Variants in CDH13 observed in about 807,000 individuals in gnomAD.
The protein encoded by CDH13 is cadherin 13.
In CDH13, 24 loss-of-function variants were observed where a neutral mutation model predicts 63.8. That is an observed-to-expected ratio of 0.38 (90% CI 0.27 to 0.53). CDH13 has a LOEUF of 0.53. CDH13 is among the 20% of genes least tolerant of loss of function. The pLI is 0.85. For synonymous variants in CDH13, 503 were observed against 355.3 expected (o/e 1.42, Z -4.67); for missense variants, 1,049 against 903.1 (o/e 1.16, Z -2.07).
intron 1 of CDH13, among the ~76,000 whole-genome samples, chr16:82,794,834 C>T (rs2036503885): frequency 6.6e-6 from 1 of 152,196 alleles, no homozygotes; most frequent in Admixed American, 6.5e-5. Flanking sequence ...GCTGATTCTT[C>T]TGCCTGAATT....
intron 10 of CDH13, among the ~76,000 whole-genome samples, chr16:83,722,417 G>A (rs1194500284): frequency 6.6e-6 from 1 of 152,224 alleles, no homozygotes; most frequent in Non-Finnish European, 1.5e-5. Flanking sequence ...GCAGGGGCCA[G>A]TTGTTACCAT....
chr16:83,486,735 C>T, intron 7 of CDH13, 80 bp downstream of exon 7: 2 of 1,369,808 alleles, frequency 1.5e-6, no homozygotes, highest in East Asian at 2.3e-5. Context: ...GGGCTCCAGT[C>T]AGTGGTTTTT....
intron 7 of CDH13, among the ~76,000 whole-genome samples, chr16:83,535,505 G>A (rs2075165390): frequency 6.6e-6 from 1 of 152,184 alleles, no homozygotes. Flanking sequence ...GAGGACCAAA[G>A]GAAGAGGACA....
At chr16:83,143,052 C>T (rs564328968) in intron 4 of CDH13, among the ~76,000 whole-genome samples, 3 of 152,170 alleles carry the variant, frequency 2.0e-5, no homozygotes, top group Admixed American at 6.5e-5. Context: ...TGCCATAAGC[C>T]AAGATCGTGC....
intron 6 of CDH13, among the ~76,000 whole-genome samples, chr16:83,385,246 T>C (rs1297930990): frequency 1.3e-5 from 2 of 152,226 alleles, no homozygotes; most frequent in African/African-American, 4.8e-5. Context: ...ATAGTACCAG[T>C]TTTTGTAAGG....
intron 1 of CDH13, among the ~76,000 whole-genome samples, chr16:82,786,855 T>A (rs1226503224): frequency 1.3e-5 from 2 of 152,100 alleles, no homozygotes; most frequent in East Asian, 1.9e-4. Flanking sequence ...TATGGCTGCA[T>A]AGTATTCCAT....
intron 6 of CDH13, among the ~76,000 whole-genome samples, chr16:83,478,702 C>G (rs574903217): frequency 6.6e-6 from 1 of 152,254 alleles, no homozygotes; most frequent in East Asian, 1.9e-4. Flanking sequence ...GGAATCACCT[C>G]TTTTCTCTGC....
chr16:82,782,866 C>T (rs945135773), intron 1 of CDH13, among the ~76,000 whole-genome samples: 2 of 152,086 alleles, frequency 1.3e-5, no homozygotes, highest in African/African-American at 4.8e-5. Flanking sequence ...GGGGCCTGGG[C>T]GAGGTCTTTA....
chr16:83,520,579 C>G lies in CDH13; in HGVS notation c.960+33924C>G, dbSNP rs74333105. ...CTCGACGTCATTGCATGGATCCACT[C>G]TATGGTTGGCCTTAGAGCCAGGTTC... On this transcript the variant is annotated intron_variant, in intron 7 of 13. Coordinates refer to ENST00000567109, the MANE Select transcript of CDH13 (RefSeq NM_001257.5). 3.0e-3 allele frequency among the ~76,000 whole-genome samples: 463 copies of G among 152,272 alleles called. 1 individual carries two copies. Among genetic ancestry groups the G allele is most frequent in the African/African-American group, 0.011 (449 of 41,564 alleles).
rs1915405996 is a variant in CDH13, at chr16:83,779,959, T to C, written c.1682-9T>C. The C allele has an allele frequency of 6.2e-7, 1 of 1,600,362 alleles. No homozygotes were observed. The highest frequency in any genetic ancestry group is 2.2e-5 in the East Asian group (1 of 44,584). ...AGTTGCATACCAACATCTTCCCTTT[T>C]TCCCACAGGCAACCCTCCCGCTACG... On this transcript the variant is annotated splice_polypyrimidine_tract_variant and intron_variant, in intron 11 of 13. Transcript: ENST00000567109.
chr16:83,782,325 G>A (rs192588952), intron 12 of CDH13, among the ~76,000 whole-genome samples: 20 of 152,292 alleles, frequency 1.3e-4, no homozygotes, highest in African/African-American at 4.8e-4. Context: ...CTGGGTGATG[G>A]TGGCTATTGC....
At chr16:82,959,037 G>T (rs771885587) in intron 2 of CDH13, among the ~76,000 whole-genome samples, 3 of 152,242 alleles carry the variant, frequency 2.0e-5, no homozygotes, top group Non-Finnish European at 2.9e-5. Flanking sequence ...TTGGCGAGGA[G>T]CAAGGCTTCC....
chr16:83,024,564 C>T (rs1321848854), intron 2 of CDH13, among the ~76,000 whole-genome samples: 1 of 152,080 alleles, frequency 6.6e-6, no homozygotes, highest in East Asian at 1.9e-4. Flanking sequence ...GACTTCGTGG[C>T]CTCGGATAAC....
chr16:83,386,502 A>G (rs982229130), intron 6 of CDH13, among the ~76,000 whole-genome samples: 3 of 152,198 alleles, frequency 2.0e-5, no homozygotes, highest in Non-Finnish European at 4.4e-5. Flanking sequence ...CCATATATAA[A>G]AGAGGTGTTG....
chr16:83,464,704 C>T (rs2073265339), intron 6 of CDH13, among the ~76,000 whole-genome samples: 1 of 152,112 alleles, frequency 6.6e-6, no homozygotes, highest in Admixed American at 6.5e-5. Flanking sequence ...GGAATGCCTG[C>T]CCTAATCCAC....
At chr16:83,763,944 C>T (rs989465849) in intron 11 of CDH13, among the ~76,000 whole-genome samples, 6 of 152,098 alleles carry the variant, frequency 3.9e-5, no homozygotes, top group African/African-American at 7.2e-5. Flanking sequence ...AGTTCAGCTC[C>T]GCATCTTAGC....
chr16:83,219,791 C>T (rs945144770), intron 5 of CDH13, among the ~76,000 whole-genome samples: 10 of 152,300 alleles, frequency 6.6e-5, no homozygotes, highest in South Asian at 2.1e-4. Flanking sequence ...GTAAGGGACA[C>T]GCTTCAAGGT....
At chr16:82,686,120 T>A (rs1197135212) in intron 1 of CDH13, among the ~76,000 whole-genome samples, 1 of 152,228 alleles carries the variant, frequency 6.6e-6, no homozygotes, top group Non-Finnish European at 1.5e-5. Context: ...GGGTAATGCA[T>A]CCTCATCTTA....
chr16:83,585,677 T>G (rs764125521), intron 7 of CDH13, among the ~76,000 whole-genome samples: 24 of 151,454 alleles, frequency 1.6e-4, no homozygotes, highest in Non-Finnish European at 2.5e-4. Flanking sequence ...AGAAGAAGGC[T>G]GACCATTAGA....
Sources: gnomAD v4.1 joint callset for allele counts (sites outside exome capture counted in the v4.1 genomes callset) on GRCh38, gnomAD v4.1.1 for gene constraint, MANE v1.5 for transcripts, NCBI Gene and HGNC (gene_info 2026-07-23, HGNC 2026-07-21) for gene names.